Variants in YES1 observed in about 807,000 individuals in gnomAD.
The protein encoded by YES1 is YES proto-oncogene 1, Src family tyrosine kinase.
YES1 carries 39 observed loss-of-function variants against 70.4 expected under a neutral mutation model. The ratio of observed to expected loss-of-function variants is 0.55; its 90% confidence interval spans 0.43 to 0.72. YES1 has a LOEUF of 0.72. YES1 is among the 30% of genes least tolerant of loss of function. YES1 has a pLI of 0.00. For missense variants in YES1, 495 were observed against 644.8 expected (o/e 0.77, Z 2.52); for synonymous variants, 198 against 218.6 (o/e 0.91, Z 0.83).
At position 745,979 on chromosome 18, in the gene YES1, A is replaced by C; in HGVS notation, c.543T>G (p.Ile181Met). 6.2e-7 allele frequency: 1 copy of C among 1,613,170 alleles called. No homozygotes were observed. Among genetic ancestry groups the C allele is most frequent in the Admixed American group, 1.7e-5 (1 of 59,982 alleles). Residue 181 changes from isoleucine to methionine, a missense_variant, in exon 5 of 12, where the codon ATT becomes ATG. Transcript: ENST00000314574. ...LLLNPGNQRG[I>M]FLVRESETTK... is the part of the protein sequence containing the mutation. Reference sequence around the variant, plus strand: ...TTGTTTCACTCTCTCTTACTAAGAAAATACCTCGTTGATTTCCAGGATTCA... The same window carrying C: ...TTGTTTCACTCTCTCTTACTAAGAACATACCTCGTTGATTTCCAGGATTCA...
At chr18:755,646 G>A (rs28397183) in intron 2 of YES1, among the ~76,000 whole-genome samples, 131 of 152,232 alleles carry the variant, frequency 8.6e-4, no homozygotes, top group African/African-American at 2.9e-3. Flanking sequence ...GCACCCACTG[G>A]CTGTTAATGA....
At chr18:798,550 G>A (rs758157945) in intron 1 of YES1, among the ~76,000 whole-genome samples, 6 of 152,122 alleles carry the variant, frequency 3.9e-5, no homozygotes, top group Admixed American at 1.3e-4. Context: ...AGATGCATAG[G>A]GGAGCCGCTT....
At chr18:810,106 G>A (rs1443341401) in intron 1 of YES1, among the ~76,000 whole-genome samples, 3 of 150,924 alleles carry the variant, frequency 2.0e-5, no homozygotes, top group African/African-American at 7.3e-5. Flanking sequence ...TTACTATAAT[G>A]CTAATAGAAT....
intron 2 of YES1, among the ~76,000 whole-genome samples, chr18:755,428 T>C (rs1241274806): frequency 6.6e-6 from 1 of 151,990 alleles, no homozygotes; most frequent in African/African-American, 2.4e-5. Flanking sequence ...TTTTTTGTAT[T>C]TTTAGTTGAG....
chr18:776,016 C>T (rs1298463713), intron 1 of YES1, among the ~76,000 whole-genome samples: 1 of 152,108 alleles, frequency 6.6e-6, no homozygotes, highest in African/African-American at 2.4e-5. Flanking sequence ...AATGAACATT[C>T]CCGAGCCCTC....
chr18:733,890 T>C (rs1363795246), intron 10 of YES1, among the ~76,000 whole-genome samples: 1 of 152,170 alleles, frequency 6.6e-6, no homozygotes, highest in Non-Finnish European at 1.5e-5. Context: ...TATTTATATG[T>C]GTTTGTAGAT....
chr18:805,088 T>G (rs766055029), intron 1 of YES1, among the ~76,000 whole-genome samples: 3 of 152,120 alleles, frequency 2.0e-5, no homozygotes, highest in South Asian at 2.1e-4. Flanking sequence ...TCCTTAAAAT[T>G]TTATCAATAC....
chr18:789,983 G>GGGAGGT (rs1431194233), intron 1 of YES1, among the ~76,000 whole-genome samples: 1 of 152,156 alleles, frequency 6.6e-6, no homozygotes, highest in Non-Finnish European at 1.5e-5. Flanking sequence ...GCTTGAACCA[G>GGGAGGT]GGAGGTTGAG....
intron 8 of YES1, 92 bp from the exon 9 acceptor site, chr18:739,903 ACTT>A: frequency 1.1e-6 from 1 of 917,588 alleles, no homozygotes; most frequent in South Asian, 2.1e-5. Context: ...ACAACACAAA[ACTT>A]CTTAGCTTTT....
At chr18:758,135 T>C (rs1030741375) in intron 1 of YES1, among the ~76,000 whole-genome samples, 4 of 152,340 alleles carry the variant, frequency 2.6e-5, no homozygotes, top group African/African-American at 9.6e-5. Flanking sequence ...TAAAATTAAC[T>C]TTAGTATTTT....
Position 732,981 on chromosome 18 carries a change from C to T in YES1, c.1292-16G>A, listed in dbSNP as rs200601157. The T allele has an allele frequency of 8.7e-6, 14 of 1,613,760 alleles. No individual in the cohort carries two copies. In the East Asian group the frequency reaches 3.1e-4, roughly 36 times the overall value. ...AATTTTGCACCTAAAATAATGTTGA[C>T]CATCTTGCTTAATTGTTTTTTAAAA... is the stretch of plus-strand genomic sequence containing the variant. On this transcript the variant is annotated splice_polypyrimidine_tract_variant and intron_variant, in intron 10 of 11. Transcript: ENST00000314574.
At chr18:727,323 C>G (rs1198194679) in intron 11 of YES1, among the ~76,000 whole-genome samples, 1 of 152,086 alleles carries the variant, frequency 6.6e-6, no homozygotes, top group Non-Finnish European at 1.5e-5. Flanking sequence ...CTTTTCCATC[C>G]TTTTAATTTC....
chr18:798,672 TTTC>T, intron 1 of YES1, among the ~76,000 whole-genome samples: 1 of 152,148 alleles, frequency 6.6e-6, no homozygotes, highest in East Asian at 1.9e-4. Context: ...ATATAATACT[TTTC>T]TACTCTGACC....
At chr18:768,597 G>A (rs1018589612) in intron 1 of YES1, among the ~76,000 whole-genome samples, 38 of 152,240 alleles carry the variant, frequency 2.5e-4, no homozygotes, top group African/African-American at 7.9e-4. Context: ...CATGTGCAGC[G>A]TAACATTTTG....
rs541163650 is a variant in YES1, at chr18:733,182, AAAAT to A, written c.1292-221_1292-218del. On this transcript the variant is annotated intron_variant, in intron 10 of 11. Transcript: ENST00000314574. ...CCTGATTAGACAGCTGATGATATAA[AAAAT>A]AAGTTGGCTGTGGGAACAGAAAACA... Among the ~76,000 whole-genome samples, 26 of 152,348 alleles carry A rather than the reference AAAAT, an allele frequency of 1.7e-4. No individual in the cohort carries two copies. The South Asian group carries it at 4.6e-3, about 27-fold the overall frequency.
intron 8 of YES1, among the ~76,000 whole-genome samples, chr18:742,594 T>C (rs1310034434): frequency 6.6e-6 from 1 of 152,226 alleles, no homozygotes; most frequent in Non-Finnish European, 1.5e-5. Context: ...GTACTAAAAA[T>C]GTAAGTATCT....
intron 11 of YES1, among the ~76,000 whole-genome samples, chr18:730,245 G>C (rs1324135523): frequency 6.6e-6 from 1 of 151,882 alleles, no homozygotes; most frequent in African/African-American, 2.4e-5. Flanking sequence ...TCTGAACTCT[G>C]CTCGACTCCC....
At chr18:749,375 GT>G (rs2080316966) in intron 3 of YES1, among the ~76,000 whole-genome samples, 2 of 151,806 alleles carry the variant, frequency 1.3e-5, no homozygotes, top group African/African-American at 4.8e-5. Context: ...GCGTGTGCCT[GT>G]AATCCCAGTT....
intron 1 of YES1, chr18:798,150 T>TG (rs1337149150): frequency 6.6e-6 from 1 of 152,174 alleles, no homozygotes; most frequent in Admixed American, 6.5e-5. Context: ...TCTATTTTCT[T>TG]TTTGTTTGTT....
Sources: allele counts gnomAD v4.1 joint callset (sites outside exome capture counted in the v4.1 genomes callset), GRCh38; gene constraint gnomAD v4.1.1; transcripts MANE v1.5; gene names NCBI Gene and HGNC (gene_info 2026-07-23, HGNC 2026-07-21).